TMEM117: variants seen among roughly 807,000 people sequenced by gnomAD.
The protein encoded by TMEM117 is transmembrane protein 117.
TMEM117 carries 27 observed loss-of-function variants against 52.4 expected under a neutral mutation model. The ratio of observed to expected loss-of-function variants is 0.51; its 90% confidence interval spans 0.38 to 0.71. TMEM117 has a LOEUF of 0.71. TMEM117 is among the 30% of genes least tolerant of loss of function. TMEM117 has a pLI of 0.00. For synonymous variants in TMEM117, 215 were observed against 206.3 expected (o/e 1.04, Z -0.36); for missense variants, 556 against 630.5 (o/e 0.88, Z 1.26).
rs1269779882 is a variant in TMEM117, at chr12:44,309,325, C to A, written c.768+9586C>A. Among the ~76,000 whole-genome samples, 5 of 152,128 alleles carry A rather than the reference C, an allele frequency of 3.3e-5. No individual in the cohort carries two copies. In the East Asian group the frequency reaches 9.6e-4, roughly 29 times the overall value. On this transcript the variant is annotated intron_variant, in intron 6 of 7. Transcript: ENST00000266534. ...GTCTTCTGAACCTCTACCCACTACC[C>A]CAACGGGCAGTTTCTAAGTCAAGGT...
intron 5 of TMEM117, chr12:44,244,253 G>C (rs1592635535): frequency 6.6e-6 from 1 of 151,772 alleles, no homozygotes; most frequent in African/African-American, 2.4e-5. Context: ...AGTGTCCAAG[G>C]GCTCCCTTTT....
intron 5 of TMEM117, among the ~76,000 whole-genome samples, chr12:44,216,998 CAT>C (rs1949726911): frequency 1.3e-5 from 2 of 152,080 alleles, no homozygotes; most frequent in Non-Finnish European, 2.9e-5. Flanking sequence ...CTTTGAATAT[CAT>C]AGTTATTAAA....
At chr12:44,114,270 A>T in intron 3 of TMEM117, among the ~76,000 whole-genome samples, 1 of 152,300 alleles carries the variant, frequency 6.6e-6, no homozygotes, top group South Asian at 2.1e-4. Context: ...TTTTATTTTA[A>T]AGAAAAATGA....
intron 2 of TMEM117, among the ~76,000 whole-genome samples, chr12:43,907,614 T>C (rs1944416323): frequency 6.8e-6 from 1 of 147,584 alleles, no homozygotes; most frequent in Middle Eastern, 3.6e-3. Flanking sequence ...TTTAGAAGAA[T>C]GTATAACTAG....
chr12:44,385,842 T>A (rs1952080831), intron 7 of TMEM117, among the ~76,000 whole-genome samples: 1 of 152,092 alleles, frequency 6.6e-6, no homozygotes, highest in African/African-American at 2.4e-5. Context: ...TTTCTCCTGT[T>A]TCTCATCCCT....
intron 3 of TMEM117, among the ~76,000 whole-genome samples, chr12:44,136,655 T>C (rs1204298499): frequency 6.6e-6 from 1 of 152,176 alleles, no homozygotes; most frequent in Non-Finnish European, 1.5e-5. Flanking sequence ...AAATCATGTA[T>C]TGATAAGTAA....
At chr12:44,127,164 G>A (rs1253107892) in intron 3 of TMEM117, among the ~76,000 whole-genome samples, 6 of 152,196 alleles carry the variant, frequency 3.9e-5, no homozygotes, top group Admixed American at 3.3e-4. Context: ...TCTAAAATTA[G>A]GATCATAGAG....
At chr12:43,910,908 T>G (rs1157385785) in intron 2 of TMEM117, among the ~76,000 whole-genome samples, 1 of 80,104 alleles carries the variant, frequency 1.2e-5, no homozygotes, top group Non-Finnish European at 2.9e-5. Context: ...ATTGTGAAAA[T>G]GGCCATACTG....
intron 5 of TMEM117, among the ~76,000 whole-genome samples, chr12:44,221,292 G>A (rs1422815083): frequency 6.6e-6 from 1 of 152,034 alleles, no homozygotes; most frequent in East Asian, 1.9e-4. Context: ...CCATCTAAGG[G>A]GGCTTCTCCC....
chr12:44,357,288 A>G (rs569828845), intron 6 of TMEM117, among the ~76,000 whole-genome samples: 6 of 151,974 alleles, frequency 3.9e-5, no homozygotes, highest in Non-Finnish European at 8.8e-5. Flanking sequence ...CACAATTATG[A>G]TCATTTCTCT....
chr12:43,957,270 C>G (rs1834593786), intron 3 of TMEM117, among the ~76,000 whole-genome samples: 1 of 151,912 alleles, frequency 6.6e-6, no homozygotes, highest in African/African-American at 2.4e-5. Context: ...ACCTATGAAA[C>G]AAACCTACTC....
chr12:44,077,240 A>G (rs1248014526), intron 3 of TMEM117, among the ~76,000 whole-genome samples: 1 of 152,218 alleles, frequency 6.6e-6, no homozygotes, highest in Non-Finnish European at 1.5e-5. Flanking sequence ...GTGTTTCTTT[A>G]CTAGATGCTA....
At chr12:44,154,492 A>AACAATTTGGAATTC (rs1948798912) in intron 4 of TMEM117, among the ~76,000 whole-genome samples, 1 of 152,064 alleles carries the variant, frequency 6.6e-6, no homozygotes, top group Non-Finnish European at 1.5e-5. Flanking sequence ...TCTCGTAAAG[A>AACAATTTGGAATTC]TTTTAAAATA....
At chr12:43,946,387 T>G (rs1337516673) in intron 3 of TMEM117, among the ~76,000 whole-genome samples, 1,135 of 23,624 alleles carry the variant, frequency 0.048, 25 homozygotes, top group African/African-American at 0.068. Flanking sequence ...TGTTTTTTTT[T>G]TTTTTTTGTT....
At chr12:43,962,412 G>A (rs1945418115) in intron 3 of TMEM117, among the ~76,000 whole-genome samples, 1 of 152,110 alleles carries the variant, frequency 6.6e-6, no homozygotes, top group South Asian at 2.1e-4. Flanking sequence ...CAATAGTAAA[G>A]TTCTTTAGAA....
chr12:43,978,495 C>T (rs1290247582), intron 3 of TMEM117, among the ~76,000 whole-genome samples: 1 of 152,160 alleles, frequency 6.6e-6, no homozygotes. Flanking sequence ...ATTATGTGGT[C>T]TCCACCAAAC....
intron 7 of TMEM117, among the ~76,000 whole-genome samples, chr12:44,386,045 C>G (rs1347340834): frequency 6.6e-6 from 1 of 152,092 alleles, no homozygotes; most frequent in African/African-American, 2.4e-5. Flanking sequence ...TGAATTGTTC[C>G]GTCCTCAAAA....
At chr12:44,303,172 T>C (rs1297853453) in intron 6 of TMEM117, among the ~76,000 whole-genome samples, 1 of 152,038 alleles carries the variant, frequency 6.6e-6, no homozygotes, top group Non-Finnish European at 1.5e-5. Context: ...GCCTCCCAGG[T>C]AGCTGGGATT....
chr12:44,196,880 G>A (rs1374026874), intron 4 of TMEM117, among the ~76,000 whole-genome samples: 1 of 152,172 alleles, frequency 6.6e-6, no homozygotes, highest in South Asian at 2.1e-4. Context: ...AATGGTTATG[G>A]TTATGTCAGA....
Sources: allele counts gnomAD v4.1 joint callset (sites outside exome capture counted in the v4.1 genomes callset), GRCh38; gene constraint gnomAD v4.1.1; transcripts MANE v1.5; gene names NCBI Gene and HGNC (gene_info 2026-07-23, HGNC 2026-07-21).